Variants in NEGR1 observed in about 807,000 individuals in gnomAD.
NEGR1 encodes the protein IgLON family member 4.
NEGR1 carries 10 observed loss-of-function variants against 40.9 expected under a neutral mutation model. That is an observed-to-expected ratio of 0.24 (90% CI 0.15 to 0.42). The LOEUF (loss-of-function observed/expected upper bound fraction) is 0.42, where lower values mean the gene tolerates loss of function less well. Among genes scored for constraint, NEGR1 ranks in the 10% least tolerant of loss-of-function variants. The pLI is 1.00. For missense variants in NEGR1, 352 were observed against 438.9 expected (o/e 0.80, Z 1.77); for synonymous variants, 185 against 166.8 (o/e 1.11, Z -0.84).
chr1:72,093,605 G>A (rs1648580659), intron 1 of NEGR1, among the ~76,000 whole-genome samples: 1 of 152,094 alleles, frequency 6.6e-6, no homozygotes, highest in Non-Finnish European at 1.5e-5. Flanking sequence ...AAAACCTAAT[G>A]AGATATGAGA....
At chr1:71,822,619 G>A (rs1658472901) in intron 2 of NEGR1, among the ~76,000 whole-genome samples, 2 of 151,990 alleles carry the variant, frequency 1.3e-5, no homozygotes, top group Admixed American at 1.3e-4. Flanking sequence ...CTGGACACAT[G>A]AGGGCAGGTT....
chr1:71,415,216 T>C (rs1177061446), intron 6 of NEGR1, among the ~76,000 whole-genome samples: 1 of 152,030 alleles, frequency 6.6e-6, no homozygotes, highest in Non-Finnish European at 1.5e-5. Flanking sequence ...AACATAAAAA[T>C]AATCATTTTT....
chr1:72,057,423 GT>G (rs892239150), intron 1 of NEGR1, among the ~76,000 whole-genome samples: 4 of 151,424 alleles, frequency 2.6e-5, no homozygotes, highest in Admixed American at 2.6e-4. Flanking sequence ...CATAGTTGCA[GT>G]TTTTTTAGGT....
At chr1:71,433,073 G>A (rs1433250148) in intron 6 of NEGR1, among the ~76,000 whole-genome samples, 11 of 152,190 alleles carry the variant, frequency 7.2e-5, no homozygotes, top group East Asian at 1.9e-4. Context: ...AGAGATTAAC[G>A]AGTTATAAAA....
intron 3 of NEGR1, among the ~76,000 whole-genome samples, chr1:71,762,497 T>C (rs1278588582): frequency 6.6e-6 from 1 of 152,120 alleles, no homozygotes; most frequent in South Asian, 2.1e-4. Context: ...AACATGATTG[T>C]TCATAGCAGC....
intron 6 of NEGR1, among the ~76,000 whole-genome samples, chr1:71,432,787 A>G (rs920274122): frequency 6.6e-6 from 1 of 152,158 alleles, no homozygotes; most frequent in Admixed American, 6.5e-5. Context: ...CCCCCACCTT[A>G]TAACCTGTTT....
intron 6 of NEGR1, chr1:71,423,093 A>C (rs1179637880): frequency 6.6e-6 from 1 of 152,170 alleles, no homozygotes; most frequent in African/African-American, 2.4e-5. Context: ...ACAGATTCAA[A>C]AAGCAATTTT....
chr1:71,799,060 A>G (rs1029346600), intron 2 of NEGR1, among the ~76,000 whole-genome samples: 1 of 139,492 alleles, frequency 7.2e-6, no homozygotes, highest in Admixed American at 7.0e-5. Context: ...TTTTTTTTTT[A>G]TTATACTAAG....
chr1:71,797,900 T>C (rs889578931), intron 2 of NEGR1, among the ~76,000 whole-genome samples: 2 of 151,660 alleles, frequency 1.3e-5, no homozygotes, highest in Non-Finnish European at 2.9e-5. Flanking sequence ...AAAAACAGAG[T>C]TTATATTGTT....
chr1:71,520,493 T>C (rs1647148563), intron 6 of NEGR1, among the ~76,000 whole-genome samples: 1 of 152,098 alleles, frequency 6.6e-6, no homozygotes, highest in Non-Finnish European at 1.5e-5. Flanking sequence ...CATGGTTTTG[T>C]CTCAATGATT....
chr1:72,035,204 C>T (rs907105852), intron 1 of NEGR1, among the ~76,000 whole-genome samples: 9 of 152,158 alleles, frequency 5.9e-5, no homozygotes, highest in Non-Finnish European at 7.3e-5. Flanking sequence ...TGCCGCAAAC[C>T]GGAGACCCTC....
intron 2 of NEGR1, among the ~76,000 whole-genome samples, chr1:71,933,483 C>A: frequency 6.6e-6 from 1 of 151,974 alleles, no homozygotes; most frequent in East Asian, 1.9e-4. Context: ...AGTATACTTT[C>A]TTTTTTCACA....
Position 71,445,450 on chromosome 1 carries a change from A to C in NEGR1, c.941-37880T>G, listed in dbSNP as rs561697128. ...AAAACTCCAAATATTGTTACACTTGAAGTTAGTTGAGGATTTAAGGCGTTA... is the reference window on the plus strand; with the variant it reads ...AAAACTCCAAATATTGTTACACTTGCAGTTAGTTGAGGATTTAAGGCGTTA... On this transcript the variant is annotated intron_variant, in intron 6 of 6. Coordinates refer to ENST00000357731, the MANE Select transcript of NEGR1 (RefSeq NM_173808.3). Among the ~76,000 whole-genome samples, 7 of 152,210 alleles carry C rather than the reference A, an allele frequency of 4.6e-5. No homozygotes were observed. In the East Asian group the frequency reaches 1.4e-3, roughly 29 times the overall value.
chr1:72,224,797 C>T (rs1369694704), intron 1 of NEGR1, among the ~76,000 whole-genome samples: 1 of 151,756 alleles, frequency 6.6e-6, no homozygotes, highest in Non-Finnish European at 1.5e-5. Context: ...ATTTTTTTGC[C>T]TGATCTATAG....
chr1:71,848,433 GCTGGTGAC>G (rs1478505062), intron 2 of NEGR1, among the ~76,000 whole-genome samples: 2 of 152,140 alleles, frequency 1.3e-5, no homozygotes, highest in African/African-American at 4.8e-5. Context: ...GGCTAATGCA[GCTGGTGAC>G]TTTATGTTAA....
At chr1:72,154,456 T>A (rs533285733) in intron 1 of NEGR1, among the ~76,000 whole-genome samples, 1 of 152,004 alleles carries the variant, frequency 6.6e-6, no homozygotes, top group Non-Finnish European at 1.5e-5. Context: ...TTCCTTCATG[T>A]CACAATGGGC....
intron 6 of NEGR1, among the ~76,000 whole-genome samples, chr1:71,546,269 G>C (rs1246832434): frequency 6.6e-6 from 1 of 151,644 alleles, no homozygotes; most frequent in Non-Finnish European, 1.5e-5. Flanking sequence ...ATTTGACAGT[G>C]AAGAATAAAG....
chr1:71,540,148 C>T (rs1282941572), intron 6 of NEGR1, among the ~76,000 whole-genome samples: 1 of 151,640 alleles, frequency 6.6e-6, no homozygotes, highest in African/African-American at 2.4e-5. Flanking sequence ...AGATACTAAT[C>T]TCTGGAAAAG....
At chr1:72,097,263 G>A (rs768653573) in intron 1 of NEGR1, among the ~76,000 whole-genome samples, 3 of 152,174 alleles carry the variant, frequency 2.0e-5, no homozygotes, top group Non-Finnish European at 4.4e-5. Context: ...GGCATGGACT[G>A]TAACAATACC....
Sources: allele counts gnomAD v4.1 joint callset (sites outside exome capture counted in the v4.1 genomes callset), GRCh38; gene constraint gnomAD v4.1.1; transcripts MANE v1.5; gene names NCBI Gene and HGNC (gene_info 2026-07-23, HGNC 2026-07-21).